Variants in IQGAP3 observed in about 807,000 individuals in gnomAD.
IQGAP3 encodes ras GTPase-activating-like protein IQGAP3.
Under a neutral mutation model 208.2 loss-of-function variants are expected in IQGAP3, and 165 were observed. The ratio of observed to expected loss-of-function variants is 0.79; its 90% CI spans 0.70 to 0.90. The LOEUF is 0.90. Ranked by LOEUF, IQGAP3 falls within the 40% of genes least tolerant of loss-of-function variation. The probability of loss-of-function intolerance (pLI) is 0.00; values close to 1 mark genes in which losing one functional copy is unlikely to be tolerated. For missense variants in IQGAP3, 1,811 were observed against 2,043.1 expected, an observed-to-expected ratio of 0.89 and a Z score of 2.19; for synonymous variants, 703 against 803.6, an observed-to-expected ratio of 0.87 and a Z score of 2.12.
At chr1:156,552,801 C>T (rs760436626) in intron 13 of IQGAP3, among the ~76,000 whole-genome samples, 137 of 152,316 alleles carry the variant, frequency 9.0e-4, no homozygotes, top group African/African-American at 3.1e-3. Flanking sequence ...TCGCTGGGCA[C>T]GGTGGCTCAT....
At chr1:156,537,659 G>A (rs1192555642) in intron 26 of IQGAP3, among the ~76,000 whole-genome samples, 1 of 152,104 alleles carries the variant, frequency 6.6e-6, no homozygotes, top group Non-Finnish European at 1.5e-5. Context: ...GAGAGGCTGG[G>A]CCAGAGCCTT....
chr1:156,534,818 AG>A, intron 28 of IQGAP3, 85 bp from the exon 29 acceptor site: 1 of 1,073,340 alleles, frequency 9.3e-7, no homozygotes, highest in Non-Finnish European at 1.3e-6. Flanking sequence ...CTTGGCTGGA[AG>A]GGACACCTGG....
chr1:156,551,889 T>A lies in IQGAP3; in HGVS notation c.1571-21A>T. ...GACCCCTAAGAAAGAGAGATCTAGG[T>A]GGGCAGGGGGCCCCTAGACTTAATG... On this transcript the variant is annotated intron_variant, in intron 14 of 37. Transcript: ENST00000361170. 1.9e-6 allele frequency: 3 copies of A among 1,598,344 alleles called. No homozygotes were observed. In the South Asian group the frequency reaches 3.3e-5, roughly 18 times the overall value.
intron 1 of IQGAP3, among the ~76,000 whole-genome samples, chr1:156,572,072 T>G (rs1676669937): frequency 6.6e-6 from 1 of 152,076 alleles, no homozygotes; most frequent in African/African-American, 2.4e-5. Flanking sequence ...TTTCACCCCC[T>G]GTTTGACAGG....
chr1:156,541,134 T>C (rs1229622844), intron 22 of IQGAP3, among the ~76,000 whole-genome samples: 1 of 151,886 alleles, frequency 6.6e-6, no homozygotes, highest in Non-Finnish European at 1.5e-5. Context: ...TAACTGGAGA[T>C]GACATAATAG....
At chr1:156,545,003 G>A (rs956586361) in intron 19 of IQGAP3, among the ~76,000 whole-genome samples, 3 of 151,920 alleles carry the variant, frequency 2.0e-5, no homozygotes, top group South Asian at 2.1e-4. Flanking sequence ...CTCTGCCCGC[G>A]GCCACCTGGG....
rs1050065735 is a variant in IQGAP3, at chr1:156,561,914, G to T, written c.965C>A (p.Ala322Asp). 2 of 1,613,836 alleles carry T rather than the reference G, an allele frequency of 1.2e-6. No individual in the cohort carries two copies. The highest frequency in any genetic ancestry group is 2.7e-5 in the African/African-American group (2 of 74,852). Residue 322 changes from alanine to aspartate, a missense_variant, in exon 10 of 38, where the codon GCC becomes GAC. Coordinates refer to ENST00000361170, the MANE Select transcript of IQGAP3 (RefSeq NM_178229.5). ...LLKALQDPAL[A>D]LRGVRRDFAD... ...AAAGTCTCTCCTCACCCCTCGCAGG[G>T]CCAGGGCAGGGTCTTGAAGGGCCTT... is the stretch of plus-strand genomic sequence containing the variant.
At chr1:156,554,497 C>G (rs1443584367) in intron 12 of IQGAP3, 105 bp from the exon 13 acceptor site, 1 of 1,121,332 alleles carries the variant, frequency 8.9e-7, no homozygotes, top group African/African-American at 1.6e-5. Context: ...AGTCTCTATC[C>G]CAAAACCCCA....
In IQGAP3 at chr1:156,531,217, C is replaced by T; in HGVS notation, c.4134G>A (p.Gln1378=). The T allele has an allele frequency of 3.1e-6, 5 of 1,613,940 alleles. No individual in the cohort carries two copies. Among genetic ancestry groups the T allele is most frequent in the Non-Finnish European group, 4.2e-6 (5 of 1,179,922 alleles). ...CCTTGAGGGTGTCCCCAGGATGGAA[C>T]TGTATGATATCGGCCAACAGCTGCT... ...STKQLLADII[Q]FHPGDTLKEI... is the part of the protein sequence containing the mutation. Residue 1378 remains glutamine (Q), a synonymous_variant, in exon 33 of 38, where the codon CAG becomes CAA. Transcript: ENST00000361170.
Position 156,552,005 on chromosome 1 carries a change from C to T in IQGAP3, c.1539G>A (p.Gln513=). The change falls in exon 14 of 38, where the codon CAG becomes CAA. Residue 513 remains glutamine, a synonymous_variant. Coordinates refer to ENST00000361170, the MANE Select transcript of IQGAP3 (RefSeq NM_178229.5). Reference sequence around the variant, plus strand: ...TCTCTTCCTGGGTCTGTGCATTGACCTGGCTCACGGTGGCCTGCAGGTCAT... The same window carrying T: ...TCTCTTCCTGGGTCTGTGCATTGACTTGGCTCACGGTGGCCTGCAGGTCAT... The part of the protein sequence containing the change: ...SWNDLQATVS[Q]VNAQTQEETD... The T allele has an allele frequency of 6.2e-7, 1 of 1,614,208 alleles. No homozygotes were observed.
chr1:156,527,810 C>G (rs1284051608), intron 37 of IQGAP3, 142 bp downstream of exon 37: 3 of 620,630 alleles, frequency 4.8e-6, no homozygotes, highest in Non-Finnish European at 8.6e-6. Context: ...CCACCCTTCT[C>G]TTCAGGAACA....
chr1:156,544,588 AG>A, intron 19 of IQGAP3, 116 bp from the exon 20 acceptor site: 1 of 811,020 alleles, frequency 1.2e-6, no homozygotes, highest in Non-Finnish European at 2.1e-6. Flanking sequence ...AGTTAAATAG[AG>A]GGGGAAGGGG....
chr1:156,534,097 C>T lies in IQGAP3; in HGVS notation c.3785G>A (p.Arg1262His), dbSNP rs370202616. ...GTCTGAGTACTCGTCCACTGCAAAA[C>T]GCTCCTCTGGCTCTGGCACCTGGCA... ...RACQVPEPEE[R>H]FAVDEYSDMV... The change falls in exon 30 of 38, where the codon CGT becomes CAT. Residue 1262 changes from arginine (R) to histidine (H), a missense_variant. Physicochemically the swap from Arg to His is conservative, Grantham distance 29. Coordinates refer to ENST00000361170, the MANE Select transcript of IQGAP3 (RefSeq NM_178229.5). 8.0e-5 allele frequency: 129 copies of T among 1,613,934 alleles called. No homozygotes were observed. Among genetic ancestry groups the T allele is most frequent in the South Asian group, 1.8e-4 (16 of 91,088 alleles).
intron 2 of IQGAP3, among the ~76,000 whole-genome samples, chr1:156,567,162 C>T (rs768036647): frequency 7.9e-5 from 12 of 152,350 alleles, no homozygotes; most frequent in East Asian, 3.9e-4. Context: ...CCACCGCGCC[C>T]GGCCCTAGTT....
chr1:156,547,798 G>A lies in IQGAP3; in HGVS notation c.2304+275C>T, dbSNP rs569946727. Among the ~76,000 whole-genome samples, 4 of 152,304 alleles carry A rather than the reference G, an allele frequency of 2.6e-5. No individual in the cohort carries two copies. The East Asian group carries it at 5.8e-4, about 22-fold the overall frequency. On this transcript the variant is annotated intron_variant, in intron 19 of 37. Coordinates refer to ENST00000361170, the MANE Select transcript of IQGAP3 (RefSeq NM_178229.5). Reference sequence around the variant, plus strand: ...TCCTCATAACAACTCTATAAGGTAGGTGCTATCGTTATCCCCATTTTCAGA... The same window carrying A: ...TCCTCATAACAACTCTATAAGGTAGATGCTATCGTTATCCCCATTTTCAGA...
chr1:156,546,710 G>A (rs1231046560), intron 19 of IQGAP3, among the ~76,000 whole-genome samples: 1 of 152,154 alleles, frequency 6.6e-6, no homozygotes, highest in Non-Finnish European at 1.5e-5. Context: ...GCATAAGTAA[G>A]GTGCCCAATG....
chr1:156,528,925 G>C lies in IQGAP3; in HGVS notation c.4562C>G (p.Pro1521Arg). ...YIRACLDHLA[P>R]DSKSSGKGKK... ...GGAAAGCAGCACCTACTTGGAGTCG[G>C]GGGCCAGGTGGTCCAGGCAGGCCCG... is the stretch of plus-strand genomic sequence containing the variant. Residue 1521 changes from proline (P) to arginine (R), a missense_variant, in exon 35 of 38, where the codon CCC becomes CGC. By Grantham distance (103) the Pro-to-Arg change is moderately radical (BLOSUM62 -2). Coordinates refer to ENST00000361170, the MANE Select transcript of IQGAP3 (RefSeq NM_178229.5). The C allele has an allele frequency of 6.2e-7, 1 of 1,614,234 alleles. No homozygotes were observed.
chr1:156,560,556 T>C (rs1000224720), intron 11 of IQGAP3, among the ~76,000 whole-genome samples: 9 of 152,210 alleles, frequency 5.9e-5, no homozygotes, highest in Admixed American at 3.9e-4. Context: ...TTGTATATAA[T>C]GTTTTTAAGG....
rs556963773 is a variant in IQGAP3, at chr1:156,529,263, G to C, written c.4405-181C>G. On this transcript the variant is annotated intron_variant, in intron 34 of 37. Coordinates refer to ENST00000361170, the MANE Select transcript of IQGAP3 (RefSeq NM_178229.5). Reference sequence around the variant, plus strand: ...CAAATCCTCAAGGCATGTCCTCAGGGCCTCTGCCCGTTGAGGACTAACTGG... The same window carrying C: ...CAAATCCTCAAGGCATGTCCTCAGGCCCTCTGCCCGTTGAGGACTAACTGG... 3.3e-5 allele frequency among the ~76,000 whole-genome samples: 5 copies of C among 152,330 alleles called. No individual in the cohort carries two copies. In the South Asian group the frequency reaches 1.0e-3, roughly 32 times the overall value.
Sources: allele counts gnomAD v4.1 joint callset (sites outside exome capture counted in the v4.1 genomes callset), GRCh38; gene constraint gnomAD v4.1.1; transcripts MANE v1.5; gene names NCBI Gene and HGNC (gene_info 2026-07-23, HGNC 2026-07-21).